The following ENOX1 variants were observed in gnomAD, a reference collection of about 807,000 sequenced individuals.
ENOX1 encodes the protein candidate growth-related and time keeping constitutive hydroquinone (NADH) oxidase.
A neutral mutation model predicts 82.5 loss-of-function variants in ENOX1; 42 were observed. The observed-to-expected ratio is 0.51, with a 90% CI of 0.40 to 0.66. ENOX1 has a LOEUF of 0.66. ENOX1 is among the 30% of genes least tolerant of loss of function. The pLI, the probability that ENOX1 is intolerant of heterozygous loss-of-function variation, is 0.00. For missense variants in ENOX1, 608 were observed against 811.6 expected (o/e 0.75, Z 3.05); for synonymous variants, 271 against 282.2 (o/e 0.96, Z 0.40).
intron 1 of ENOX1, among the ~76,000 whole-genome samples, chr13:43,673,851 C>CA (rs1255369337): frequency 1.3e-5 from 2 of 152,124 alleles, no homozygotes; most frequent in Admixed American, 6.5e-5. Flanking sequence ...ATGTGTGACT[C>CA]AAAAAATGTT....
intron 9 of ENOX1, among the ~76,000 whole-genome samples, chr13:43,330,274 T>C (rs1422585099): frequency 6.6e-5 from 10 of 152,254 alleles, no homozygotes; most frequent in East Asian, 5.8e-4. Context: ...AAGTAGCTTA[T>C]AGAAGTTGTG....
intron 14 of ENOX1, among the ~76,000 whole-genome samples, chr13:43,255,509 C>T (rs1365817491): frequency 7.2e-5 from 11 of 152,158 alleles, no homozygotes; most frequent in Admixed American, 5.9e-4. Context: ...TCACAGATGA[C>T]ATGATCTTAT....
At chr13:43,363,498 C>G (rs555424351) in intron 5 of ENOX1, among the ~76,000 whole-genome samples, 2 of 152,258 alleles carry the variant, frequency 1.3e-5, no homozygotes, top group South Asian at 4.1e-4. Context: ...TTTTCAACAT[C>G]ATCATCATTA....
chr13:43,603,752 G>A (rs1345870416), intron 2 of ENOX1, among the ~76,000 whole-genome samples: 1 of 118,914 alleles, frequency 8.4e-6, no homozygotes, highest in Non-Finnish European at 1.6e-5. Flanking sequence ...ATTCCATGGT[G>A]TATATGTGCC....
chr13:43,703,633 A>T (rs1249938132), intron 1 of ENOX1, among the ~76,000 whole-genome samples: 2 of 152,212 alleles, frequency 1.3e-5, no homozygotes, highest in African/African-American at 4.8e-5. Context: ...ACAAATTTAA[A>T]GCAAAATATA....
At chr13:43,604,554 C>A (rs1174575381) in intron 2 of ENOX1, among the ~76,000 whole-genome samples, 3 of 152,112 alleles carry the variant, frequency 2.0e-5, no homozygotes, top group Admixed American at 6.6e-5. Context: ...TTATCAAATG[C>A]TTATTCAGCA....
intron 1 of ENOX1, among the ~76,000 whole-genome samples, chr13:43,726,158 C>T (rs1433896213): frequency 1.3e-5 from 2 of 150,174 alleles, no homozygotes; most frequent in African/African-American, 4.9e-5. Flanking sequence ...AAAGAATACA[C>T]CAAAAAAACA....
At chr13:43,456,279 T>C (rs891519016) in intron 3 of ENOX1, among the ~76,000 whole-genome samples, 1 of 152,084 alleles carries the variant, frequency 6.6e-6, no homozygotes, top group African/African-American at 2.4e-5. Context: ...TTTATGTCAG[T>C]GGATATCCTC....
chr13:43,258,035 A>G (rs969745686), intron 14 of ENOX1, among the ~76,000 whole-genome samples: 3 of 152,232 alleles, frequency 2.0e-5, no homozygotes, highest in Non-Finnish European at 4.4e-5. Flanking sequence ...ATGACCAAGC[A>G]GGTACCACCA....
At chr13:43,600,292 GAGA>G (rs2081649143) in intron 2 of ENOX1, among the ~76,000 whole-genome samples, 1 of 152,146 alleles carries the variant, frequency 6.6e-6, no homozygotes, top group Non-Finnish European at 1.5e-5. Flanking sequence ...ACTGGCCAGA[GAGA>G]AGTTCACTGC....
intron 5 of ENOX1, among the ~76,000 whole-genome samples, chr13:43,385,074 G>T (rs182367284): frequency 1.1e-3 from 167 of 152,158 alleles, no homozygotes; most frequent in African/African-American, 3.9e-3. Context: ...TCTAGTGGTG[G>T]GTGCCCCGCT....
intron 3 of ENOX1, among the ~76,000 whole-genome samples, chr13:43,414,468 T>G (rs942329024): frequency 1.6e-4 from 24 of 152,292 alleles, no homozygotes; most frequent in Non-Finnish European, 3.1e-4. Flanking sequence ...TGTGCATCAA[T>G]TATCTTAGGC....
rs189173397 is a variant in ENOX1, at chr13:43,468,222, C to T, written c.-75+15787G>A. ...TTTTTGAGACAGAGTTTCACTCTGT[C>T]GCCAGCTGGAGTGCAGTGGTGTGAT... On this transcript the variant is annotated intron_variant, in intron 3 of 16. Coordinates refer to ENST00000690772, the MANE Select transcript of ENOX1 (RefSeq NM_001347969.2). Among the ~76,000 whole-genome samples, 27 of 151,400 alleles carry T rather than the reference C, an allele frequency of 1.8e-4. No homozygotes were observed. In the East Asian group the frequency reaches 4.5e-3, roughly 25 times the overall value.
intron 1 of ENOX1, among the ~76,000 whole-genome samples, chr13:43,695,712 T>C (rs1175782976): frequency 1.3e-5 from 2 of 152,180 alleles, no homozygotes; most frequent in Non-Finnish European, 2.9e-5. Context: ...CCTTCCAAAG[T>C]GCTGGGATTA....
At chr13:43,247,625 T>G (rs2153465303) in intron 14 of ENOX1, among the ~76,000 whole-genome samples, 1 of 151,094 alleles carries the variant, frequency 6.6e-6, no homozygotes, top group African/African-American at 2.4e-5. Context: ...TGGTTATATC[T>G]ACCGTGGCAT....
intron 2 of ENOX1, among the ~76,000 whole-genome samples, chr13:43,643,372 G>A (rs976224460): frequency 6.6e-6 from 1 of 152,104 alleles, no homozygotes; most frequent in Admixed American, 6.6e-5. Context: ...AGTATGAGCT[G>A]GACAACAGGG....
intron 5 of ENOX1, among the ~76,000 whole-genome samples, chr13:43,407,234 T>C (rs1428672748): frequency 6.6e-6 from 1 of 152,164 alleles, no homozygotes; most frequent in African/African-American, 2.4e-5. Flanking sequence ...AGAAGAAGGT[T>C]TCAGGCAACA....
intron 2 of ENOX1, among the ~76,000 whole-genome samples, chr13:43,502,848 C>G (rs1307046720): frequency 6.6e-6 from 1 of 151,140 alleles, no homozygotes; most frequent in African/African-American, 2.4e-5. Flanking sequence ...AAATTCTAGC[C>G]AGAGCAATCA....
At chr13:43,686,268 A>AGC (rs2086070394) in intron 1 of ENOX1, among the ~76,000 whole-genome samples, 1 of 152,144 alleles carries the variant, frequency 6.6e-6, no homozygotes, top group Admixed American at 6.6e-5. Flanking sequence ...AAGTGTAGGA[A>AGC]GCTTTAGTAA....
Sources: gnomAD v4.1 joint callset for allele counts (sites outside exome capture counted in the v4.1 genomes callset) on GRCh38, gnomAD v4.1.1 for gene constraint, MANE v1.5 for transcripts, NCBI Gene and HGNC (gene_info 2026-07-23, HGNC 2026-07-21) for gene names.